Variants in CDK15 observed in about 807,000 individuals in gnomAD.
CDK15 encodes the protein cyclin-dependent kinase 15.
In CDK15, 62 loss-of-function variants were observed where a neutral mutation model predicts 60.3. That is an observed-to-expected ratio of 1.03 (90% confidence interval 0.84 to 1.27). CDK15 has a LOEUF of 1.27. CDK15 is among the 50% of genes most tolerant of loss of function. CDK15 has a pLI of 0.00. For synonymous variants in CDK15, 194 were observed against 195.7 expected (o/e 0.99, Z 0.07); for missense variants, 541 against 527.8 (o/e 1.03, Z -0.25).
At chr2:201,859,097 A>G (rs985126649) in intron 10 of CDK15, among the ~76,000 whole-genome samples, 4 of 152,176 alleles carry the variant, frequency 2.6e-5, no homozygotes, top group Non-Finnish European at 5.9e-5. Flanking sequence ...GGCCTCCTGC[A>G]GTGGGGGAGG....
Position 201,875,750 on chromosome 2 carries a change from C to T in CDK15, c.1058+3424C>T, listed in dbSNP as rs114598021. 7.4e-3 allele frequency among the ~76,000 whole-genome samples: 1,131 copies of T among 152,210 alleles called. 9 individuals are homozygous for T. The highest frequency in any genetic ancestry group is 0.031 in the Middle Eastern group (9 of 294). ...ATTTTTTTGTAAAACAAAAACTATA[C>T]CTGTCTAAAAGCAAAGGACTGAAGA... On this transcript the variant is annotated intron_variant, in intron 11 of 13. Coordinates refer to ENST00000652192, the MANE Select transcript of CDK15 (RefSeq NM_001366386.2).
chr2:201,880,117 T>C lies in CDK15; in HGVS notation c.1148T>C (p.Val383Ala), dbSNP rs201179449. Residue 383 changes from valine to alanine, a missense_variant, in exon 12 of 14, where the codon GTT becomes GCT. Val to Ala is a moderately conservative substitution (Grantham distance 64). Coordinates refer to ENST00000652192, the MANE Select transcript of CDK15 (RefSeq NM_001366386.2). ...RDRVSAQEAL[V>A]HDYFSALPSQ... Reference sequence around the variant, plus strand: ...CGCGTCTCCGCCCAGGAAGCACTTGTTCATGATTATTTCAGCGCCCTGCCA... The same window carrying C: ...CGCGTCTCCGCCCAGGAAGCACTTGCTCATGATTATTTCAGCGCCCTGCCA... The C allele has an allele frequency of 1.9e-5, 31 of 1,614,092 alleles. No homozygotes were observed. The East Asian group carries it at 5.8e-4, about 30-fold the overall frequency.
chr2:201,812,694 T>C, intron 4 of CDK15, 132 bp downstream of exon 4: 1 of 454,990 alleles, frequency 2.2e-6, no homozygotes, highest in East Asian at 3.7e-5. Context: ...TTATTTTTCA[T>C]ACAAGTTTTT....
chr2:201,828,559 A>T (rs78696430), intron 6 of CDK15, among the ~76,000 whole-genome samples: 4,868 of 152,036 alleles, frequency 0.032, 84 homozygotes, highest in African/African-American at 0.046. Context: ...TGATGCATTG[A>T]CCTTGTGGAT....
chr2:201,812,451 T>TA (rs1470507607), intron 3 of CDK15, 32 bp from the exon 4 acceptor site: 1 of 1,515,866 alleles, frequency 6.6e-7, no homozygotes, highest in Middle Eastern at 1.7e-4. Context: ...ACCACCTCAA[T>TA]AAGTGTGTGC....
At chr2:201,871,248 C>A (rs1698842107) in intron 10 of CDK15, among the ~76,000 whole-genome samples, 1 of 152,132 alleles carries the variant, frequency 6.6e-6, no homozygotes, top group South Asian at 2.1e-4. Flanking sequence ...CAGCCTCAAC[C>A]TCCTAGGCTC....
chr2:201,867,727 G>A (rs942491753), intron 10 of CDK15, among the ~76,000 whole-genome samples: 16 of 151,582 alleles, frequency 1.1e-4, no homozygotes, highest in African/African-American at 4.8e-5. Flanking sequence ...TTCCTTTCTC[G>A]TAAAGGTTTC....
intron 11 of CDK15, among the ~76,000 whole-genome samples, chr2:201,872,864 G>T (rs1698910376): frequency 6.6e-6 from 1 of 152,200 alleles, no homozygotes; most frequent in Admixed American, 6.5e-5. Context: ...GGGCTAAGAA[G>T]AACTCAGTGT....
At chr2:201,870,185 A>G (rs1400489995) in intron 10 of CDK15, among the ~76,000 whole-genome samples, 1 of 152,208 alleles carries the variant, frequency 6.6e-6, no homozygotes, top group Non-Finnish European at 1.5e-5. Context: ...ATAATATTGT[A>G]TATGCTTTAT....
chr2:201,877,710 C>T (rs552602506), intron 11 of CDK15, among the ~76,000 whole-genome samples: 59 of 152,306 alleles, frequency 3.9e-4, no homozygotes, highest in Non-Finnish European at 7.4e-4. Context: ...CTTCAGGCCA[C>T]AGCAAATGAG....
intron 6 of CDK15, among the ~76,000 whole-genome samples, chr2:201,830,658 G>A (rs1436651003): frequency 6.6e-6 from 1 of 152,222 alleles, no homozygotes; most frequent in Non-Finnish European, 1.5e-5. Context: ...GTCAACAGCT[G>A]TGATCCAAGT....
intron 3 of CDK15, 143 bp downstream of exon 3, chr2:201,808,095 A>G (rs530700580): frequency 1.6e-6 from 1 of 614,396 alleles, no homozygotes; most frequent in African/African-American, 1.8e-5. Context: ...GGAGAGAGAC[A>G]TGATAACTTA....
chr2:201,871,825 C>G (rs546079929), intron 10 of CDK15, among the ~76,000 whole-genome samples: 8 of 151,880 alleles, frequency 5.3e-5, no homozygotes, highest in Non-Finnish European at 1.2e-4. Flanking sequence ...GAGAATTTGT[C>G]CCAGGTCCCT....
chr2:201,806,635 T>C lies in CDK15; in HGVS notation c.-30T>C. ...AGAGGCAGTGGGGGAAAGGTTCAAG[T>C]GCGGGTTTTCTCCTTGAACCTACAA... On this transcript the variant is annotated 5_prime_UTR_variant, in exon 1 of 14. Coordinates refer to ENST00000652192, the MANE Select transcript of CDK15 (RefSeq NM_001366386.2). 6.4e-7 allele frequency: 1 copy of C among 1,556,444 alleles called. No individual in the cohort carries two copies. Among genetic ancestry groups the C allele is most frequent in the Non-Finnish European group, 8.7e-7 (1 of 1,153,198 alleles).
intron 6 of CDK15, among the ~76,000 whole-genome samples, chr2:201,829,200 T>C (rs1358005102): frequency 2.6e-5 from 4 of 152,096 alleles, no homozygotes; most frequent in African/African-American, 9.7e-5. Context: ...TTTTTTGAAA[T>C]GTTATATTCC....
At chr2:201,839,389 C>T (rs1169911700) in intron 8 of CDK15, among the ~76,000 whole-genome samples, 1 of 152,022 alleles carries the variant, frequency 6.6e-6, no homozygotes, top group Non-Finnish European at 1.5e-5. Flanking sequence ...AAAGGAGACT[C>T]CAGAAACCTG....
intron 12 of CDK15, among the ~76,000 whole-genome samples, chr2:201,888,217 G>C (rs1197532690): frequency 6.6e-6 from 1 of 152,038 alleles, no homozygotes; most frequent in Non-Finnish European, 1.5e-5. Context: ...GAGACACCAG[G>C]ATCAGATTTC....
chr2:201,854,600 T>G (rs1173763809), intron 9 of CDK15, among the ~76,000 whole-genome samples: 1 of 152,208 alleles, frequency 6.6e-6, no homozygotes, highest in African/African-American at 2.4e-5. Context: ...AGAACATGAC[T>G]TTGAGCAAGG....
chr2:201,826,807 A>G (rs554573279), intron 6 of CDK15, among the ~76,000 whole-genome samples: 2 of 152,254 alleles, frequency 1.3e-5, no homozygotes, highest in Non-Finnish European at 2.9e-5. Flanking sequence ...TTTTGCTCCA[A>G]TTGTAACTGT....
Sources: gnomAD v4.1 joint callset for allele counts (sites outside exome capture counted in the v4.1 genomes callset) on GRCh38, gnomAD v4.1.1 for gene constraint, MANE v1.5 for transcripts, NCBI Gene and HGNC (gene_info 2026-07-23, HGNC 2026-07-21) for gene names.